The following CAB39L variants were observed in gnomAD, a reference collection of about 807,000 sequenced individuals.
CAB39L encodes the protein calcium-binding protein 39-like.
Under a neutral mutation model 39.1 loss-of-function variants are expected in CAB39L, and 23 were observed. The observed-to-expected ratio is 0.59, with a 90% CI of 0.42 to 0.83. The LOEUF (loss-of-function observed/expected upper bound fraction) is 0.83, where lower values mean the gene tolerates loss of function less well. CAB39L is among the 40% of genes least tolerant of loss of function. The pLI, the probability that CAB39L is intolerant of heterozygous loss-of-function variation, is 0.00. For missense variants in CAB39L, 366 were observed against 391.9 expected (o/e 0.93, Z 0.56); for synonymous variants, 126 against 137.2 (o/e 0.92, Z 0.57).
At chr13:49,425,510 T>C (rs1030245122) in intron 3 of CAB39L, among the ~76,000 whole-genome samples, 1 of 152,140 alleles carries the variant, frequency 6.6e-6, no homozygotes, top group Admixed American at 6.5e-5. Context: ...AGGAATACAA[T>C]AAATGAATCA....
At chr13:49,358,438 A>G (rs1955542222) in intron 6 of CAB39L, among the ~76,000 whole-genome samples, 1 of 152,226 alleles carries the variant, frequency 6.6e-6, no homozygotes, top group South Asian at 2.1e-4. Context: ...CTTAAAATTG[A>G]TAAGTGAAAA....
intron 1 of CAB39L, among the ~76,000 whole-genome samples, chr13:49,440,179 T>C (rs1443484199): frequency 6.6e-6 from 1 of 152,156 alleles, no homozygotes; most frequent in African/African-American, 2.4e-5. Flanking sequence ...GAATGTTTCC[T>C]AGATTTTTTC....
At chr13:49,374,632 G>T (rs865928774) in intron 5 of CAB39L, among the ~76,000 whole-genome samples, 1 of 152,150 alleles carries the variant, frequency 6.6e-6, no homozygotes, top group African/African-American at 2.4e-5. Flanking sequence ...TTTGTTATCT[G>T]AGCCAATGCC....
intron 5 of CAB39L, among the ~76,000 whole-genome samples, chr13:49,371,844 A>T (rs1482415596): frequency 6.6e-6 from 1 of 152,060 alleles, no homozygotes; most frequent in Non-Finnish European, 1.5e-5. Context: ...CTCCCACCTC[A>T]GTCTCCCAAA....
At chr13:49,346,046 G>C (rs1251862028) in intron 7 of CAB39L, among the ~76,000 whole-genome samples, 1 of 115,512 alleles carries the variant, frequency 8.7e-6, no homozygotes, top group Non-Finnish European at 1.8e-5. Flanking sequence ...GGGTGGGGTA[G>C]AATTCCTCCA....
chr13:49,439,863 T>C (rs1243280979), intron 1 of CAB39L, among the ~76,000 whole-genome samples: 17 of 150,226 alleles, frequency 1.1e-4, no homozygotes, highest in Admixed American at 8.8e-4. Context: ...CATCTGTTTA[T>C]TGGCCACTTG....
chr13:49,419,598 G>A (rs1013518579), intron 3 of CAB39L, among the ~76,000 whole-genome samples: 16 of 152,190 alleles, frequency 1.1e-4, no homozygotes, highest in Admixed American at 7.8e-4. Context: ...ATAGGAAGAA[G>A]AAGAAATGAA....
intron 5 of CAB39L, among the ~76,000 whole-genome samples, chr13:49,372,306 T>G (rs992043441): frequency 1.3e-5 from 2 of 152,192 alleles, no homozygotes; most frequent in African/African-American, 2.4e-5. Context: ...AGATAAAAAT[T>G]TATAGCTACA....
At chr13:49,357,554 A>T (rs1038541322) in intron 6 of CAB39L, among the ~76,000 whole-genome samples, 7 of 152,228 alleles carry the variant, frequency 4.6e-5, no homozygotes, top group Admixed American at 4.6e-4. Flanking sequence ...AGATTATGGG[A>T]TGTACTTTCT....
intron 5 of CAB39L, among the ~76,000 whole-genome samples, chr13:49,363,910 T>C (rs1225946952): frequency 6.6e-6 from 1 of 150,602 alleles, no homozygotes; most frequent in East Asian, 1.9e-4. Flanking sequence ...ATCTGCTGCC[T>C]ACAAGAAACA....
chr13:49,336,118 T>C (rs573610352), intron 9 of CAB39L, among the ~76,000 whole-genome samples: 2 of 147,116 alleles, frequency 1.4e-5, no homozygotes, highest in African/African-American at 5.1e-5. Flanking sequence ...TTCCAGAATG[T>C]TTTTCTAGCA....
chr13:49,320,525 T>C (rs1215044338), intron 10 of CAB39L, among the ~76,000 whole-genome samples: 1 of 152,206 alleles, frequency 6.6e-6, no homozygotes, highest in African/African-American at 2.4e-5. Context: ...GAAAATAAAA[T>C]ATCTACATCT....
chr13:49,397,082 T>C (rs961407253), intron 3 of CAB39L, among the ~76,000 whole-genome samples: 18 of 152,204 alleles, frequency 1.2e-4, no homozygotes, highest in African/African-American at 3.9e-4. Flanking sequence ...AATAATACCA[T>C]ATCATTATGA....
At chr13:49,407,375 G>A (rs141314733) in intron 3 of CAB39L, among the ~76,000 whole-genome samples, 8 of 152,094 alleles carry the variant, frequency 5.3e-5, no homozygotes, top group Non-Finnish European at 7.4e-5. Context: ...TGGCATACTC[G>A]TACTATAACA....
At chr13:49,405,971 C>G (rs1486367471) in intron 3 of CAB39L, among the ~76,000 whole-genome samples, 1 of 151,870 alleles carries the variant, frequency 6.6e-6, no homozygotes, top group Non-Finnish European at 1.5e-5. Context: ...AACAATTGAA[C>G]TCACAGAGAT....
chr13:49,319,490 GAT>G (rs1205342107), intron 10 of CAB39L, among the ~76,000 whole-genome samples: 1 of 152,076 alleles, frequency 6.6e-6, no homozygotes, highest in Non-Finnish European at 1.5e-5. Flanking sequence ...TTCCTTTTGG[GAT>G]GATGAAATGT....
chr13:49,390,578 G>A (rs918869821), intron 3 of CAB39L, among the ~76,000 whole-genome samples: 4 of 151,794 alleles, frequency 2.6e-5, no homozygotes, highest in Admixed American at 1.3e-4. Flanking sequence ...GCAAACCCTG[G>A]GGGGGATGGT....
chr13:49,443,177 C>G (rs1957573886), intron 1 of CAB39L, among the ~76,000 whole-genome samples: 1 of 151,900 alleles, frequency 6.6e-6, no homozygotes. Context: ...GGTGCTTTCC[C>G]TAACAAAGCC....
At chr13:49,398,338 A>G (rs1956685109) in intron 3 of CAB39L, among the ~76,000 whole-genome samples, 1 of 151,654 alleles carries the variant, frequency 6.6e-6, no homozygotes, top group Non-Finnish European at 1.5e-5. Context: ...AGACATGCTA[A>G]TATAGTTTTA....
Sources: gnomAD v4.1 joint callset for allele counts (sites outside exome capture counted in the v4.1 genomes callset) on GRCh38, gnomAD v4.1.1 for gene constraint, MANE v1.5 for transcripts, NCBI Gene and HGNC (gene_info 2026-07-23, HGNC 2026-07-21) for gene names.